Variants in CSMD1 observed in about 807,000 individuals in gnomAD.
The protein encoded by CSMD1 is CUB and Sushi multiple domains 1.
Under a neutral mutation model 417.5 loss-of-function variants are expected in CSMD1, and 213 were observed. That is an observed-to-expected ratio of 0.51 (90% CI 0.46 to 0.57). CSMD1 has a LOEUF of 0.57. Among genes scored for constraint, CSMD1 ranks in the 20% least tolerant of loss-of-function variants. The pLI, the probability that CSMD1 is intolerant of heterozygous loss-of-function variation, is 0.00. For synonymous variants in CSMD1, 2,862 were observed against 1,736.8 expected (o/e 1.65, Z -16.11); for missense variants, 6,923 against 4,529.7 (o/e 1.53, Z -15.17).
intron 3 of CSMD1, among the ~76,000 whole-genome samples, chr8:4,384,027 A>G (rs76120339): frequency 1.4e-5 from 2 of 147,620 alleles, no homozygotes; most frequent in South Asian, 2.2e-4. Flanking sequence ...CCCCCGCCTC[A>G]TAACAGATGT....
chr8:4,689,233 A>G (rs1806598975), intron 1 of CSMD1, among the ~76,000 whole-genome samples: 1 of 152,204 alleles, frequency 6.6e-6, no homozygotes. Context: ...TTTTGCATGT[A>G]TTAAACCAAG....
At chr8:4,224,109 G>T (rs1410769027) in intron 3 of CSMD1, among the ~76,000 whole-genome samples, 1 of 152,110 alleles carries the variant, frequency 6.6e-6, no homozygotes, top group Non-Finnish European at 1.5e-5. Context: ...GCCAGGCTAA[G>T]AGTAACTGAA....
At chr8:4,221,513 C>G (rs1801029623) in intron 3 of CSMD1, among the ~76,000 whole-genome samples, 1 of 152,086 alleles carries the variant, frequency 6.6e-6, no homozygotes, top group African/African-American at 2.4e-5. Context: ...GTGAAACAAG[C>G]CAATTTGCAG....
At chr8:4,590,978 T>C (rs973961553) in intron 2 of CSMD1, among the ~76,000 whole-genome samples, 1 of 152,236 alleles carries the variant, frequency 6.6e-6, no homozygotes. Flanking sequence ...TGTCTTATTT[T>C]AGTCTTCATA....
chr8:3,078,700 T>A (rs80211544), intron 49 of CSMD1, among the ~76,000 whole-genome samples: 1 of 152,146 alleles, frequency 6.6e-6, no homozygotes, highest in Non-Finnish European at 1.5e-5. Flanking sequence ...AAGGTCTACG[T>A]GGCCCTTTAC....
intron 5 of CSMD1, among the ~76,000 whole-genome samples, chr8:3,828,734 C>T (rs536758231): frequency 2.0e-4 from 31 of 152,274 alleles, no homozygotes; most frequent in African/African-American, 7.2e-4. Flanking sequence ...CAAGCCTCAC[C>T]AGAGAGACCT....
intron 5 of CSMD1, among the ~76,000 whole-genome samples, chr8:3,891,344 C>A (rs1235286254): frequency 6.6e-6 from 1 of 152,152 alleles, no homozygotes; most frequent in Non-Finnish European, 1.5e-5. Flanking sequence ...GCCACCGCGC[C>A]TATCCTGAGC....
intron 2 of CSMD1, among the ~76,000 whole-genome samples, chr8:4,534,916 C>T (rs890016773): frequency 6.6e-6 from 1 of 152,148 alleles, no homozygotes; most frequent in Admixed American, 6.5e-5. Flanking sequence ...GTGCCTGCCA[C>T]CACGCCCGGC....
At chr8:3,220,771 C>T (rs904071876) in intron 28 of CSMD1, among the ~76,000 whole-genome samples, 1 of 152,156 alleles carries the variant, frequency 6.6e-6, no homozygotes, top group Non-Finnish European at 1.5e-5. Context: ...GCGGAGGTTG[C>T]AGTGAGTCAA....
intron 5 of CSMD1, among the ~76,000 whole-genome samples, chr8:3,981,735 T>C (rs952454416): frequency 2.0e-5 from 3 of 152,156 alleles, no homozygotes; most frequent in South Asian, 2.1e-4. Context: ...CTACATTTAA[T>C]AAACGTGCTT....
At chr8:4,128,433 G>C (rs568762796) in intron 3 of CSMD1, among the ~76,000 whole-genome samples, 1 of 152,300 alleles carries the variant, frequency 6.6e-6, no homozygotes, top group South Asian at 2.1e-4. Context: ...AAAGTTGCAA[G>C]ACAACTATGA....
chr8:3,899,374 A>G (rs1453170501), intron 5 of CSMD1, among the ~76,000 whole-genome samples: 3 of 152,168 alleles, frequency 2.0e-5, no homozygotes, highest in Non-Finnish European at 1.5e-5. Flanking sequence ...TGGCACAAAG[A>G]GTGACTGAAC....
chr8:4,387,522 G>C (rs192006457), intron 3 of CSMD1, among the ~76,000 whole-genome samples: 10 of 118,590 alleles, frequency 8.4e-5, no homozygotes, highest in African/African-American at 3.0e-4. Flanking sequence ...ATTTCTGTGG[G>C]AGCTTATCTT....
intron 2 of CSMD1, among the ~76,000 whole-genome samples, chr8:4,566,710 A>G (rs995151995): frequency 3.3e-5 from 5 of 151,712 alleles, no homozygotes; most frequent in African/African-American, 9.7e-5. Flanking sequence ...TTTGGAATAC[A>G]TATATACAAA....
intron 10 of CSMD1, among the ~76,000 whole-genome samples, chr8:3,548,152 G>A (rs115242110): frequency 3.3e-3 from 502 of 152,272 alleles, no homozygotes; most frequent in African/African-American, 0.011. Flanking sequence ...ATCGGTACAT[G>A]TAACAATGTT....
At chr8:3,325,576 C>A (rs28416693) in intron 23 of CSMD1, among the ~76,000 whole-genome samples, 26,137 of 152,114 alleles carry the variant, frequency 0.17, 2,814 homozygotes, top group African/African-American at 0.3. Context: ...GTAATCCCAG[C>A]ACTTTGGGAG....
intron 3 of CSMD1, among the ~76,000 whole-genome samples, chr8:4,187,781 T>C (rs1798772862): frequency 6.6e-6 from 1 of 151,752 alleles, no homozygotes; most frequent in Admixed American, 6.6e-5. Context: ...CACCATATAG[T>C]AAAATAGGCA....
intron 3 of CSMD1, among the ~76,000 whole-genome samples, chr8:4,417,404 G>C (rs1264738703): frequency 1.3e-5 from 2 of 151,932 alleles, no homozygotes; most frequent in Admixed American, 6.6e-5. Flanking sequence ...AGGTTATCAT[G>C]TTTACATAGA....
intron 3 of CSMD1, among the ~76,000 whole-genome samples, chr8:4,051,422 C>A (rs777265016): frequency 2.0e-5 from 3 of 152,090 alleles, no homozygotes; most frequent in Admixed American, 6.6e-5. Context: ...TAAATCAGAC[C>A]GCAAGGTTGA....
Sources: gnomAD v4.1 joint callset for allele counts (sites outside exome capture counted in the v4.1 genomes callset) on GRCh38, gnomAD v4.1.1 for gene constraint, MANE v1.5 for transcripts, NCBI Gene and HGNC (gene_info 2026-07-23, HGNC 2026-07-21) for gene names.